The following INTS6 variants were observed in gnomAD, a reference collection of about 807,000 sequenced individuals.
INTS6 encodes the protein integrator complex subunit 6.
Under a neutral mutation model 104.9 loss-of-function variants are expected in INTS6, and 16 were observed. The ratio of observed to expected loss-of-function variants is 0.15; its 90% CI spans 0.10 to 0.23. The LOEUF is 0.23. Ranked by LOEUF, INTS6 falls within the 10% of genes least tolerant of loss-of-function variation. INTS6 has a pLI of 1.00. For missense variants in INTS6, 584 were observed against 1,062.8 expected (o/e 0.55, Z 6.26); for synonymous variants, 324 against 358.7 (o/e 0.90, Z 1.09).
the INTS6 span, among the ~76,000 whole-genome samples, chr13:51,337,692 A>T: frequency 6.6e-6 from 1 of 152,228 alleles, no homozygotes; most frequent in African/African-American, 2.4e-5. Flanking sequence ...AATGGGAATG[A>T]TAATACATTC....
the INTS6 span, among the ~76,000 whole-genome samples, chr13:51,338,673 T>C: frequency 6.6e-6 from 1 of 152,232 alleles, no homozygotes; most frequent in Non-Finnish European, 1.5e-5. Context: ...ACAATTGCAT[T>C]GAATCTAAAG....
intron 4 of INTS6, among the ~76,000 whole-genome samples, chr13:51,396,799 G>A (rs561865188): frequency 6.6e-6 from 1 of 152,078 alleles, no homozygotes; most frequent in Non-Finnish European, 1.5e-5. Context: ...TAAATCAGTG[G>A]CATAAAAAAG....
At chr13:51,382,385 G>A (rs1211360533) in intron 9 of INTS6, among the ~76,000 whole-genome samples, 1 of 152,148 alleles carries the variant, frequency 6.6e-6, no homozygotes, top group Non-Finnish European at 1.5e-5. Context: ...CCTAGACCTA[G>A]ACACAAAGCA....
At chr13:51,346,243 G>T in the INTS6 span, among the ~76,000 whole-genome samples, 1 of 152,184 alleles carries the variant, frequency 6.6e-6, no homozygotes, top group African/African-American at 2.4e-5. Flanking sequence ...TTTAACTGCA[G>T]CCCTACAAAG....
intron 4 of INTS6, among the ~76,000 whole-genome samples, chr13:51,410,548 C>G (rs1956665463): frequency 6.6e-6 from 1 of 152,166 alleles, no homozygotes; most frequent in Non-Finnish European, 1.5e-5. Context: ...TCCCATCATA[C>G]ACAGAAATTC....
Position 51,362,634 on chromosome 13 carries a change from A to T in INTS6, c.*3118T>A, listed in dbSNP as rs1445275560. ...TTAAAAAGAAATAGGATAGAACAAG[A>T]CTAATAAAATCAAGCAAAGGTGGAT... On this transcript the variant is annotated 3_prime_UTR_variant, in exon 18 of 18. Coordinates refer to ENST00000311234, the MANE Select transcript of INTS6 (RefSeq NM_012141.3). The T allele has an allele frequency of 6.6e-6, 1 of 152,430 alleles. No homozygotes were observed. Among genetic ancestry groups the T allele is most frequent in the Non-Finnish European group, 1.5e-5 (1 of 67,930 alleles). 9.4% of individuals were successfully genotyped at this position (152,430 alleles called of 1,614,324 possible).
At chr13:51,436,428 G>C (rs1282920714) in intron 3 of INTS6, 3 of 152,092 alleles carry the variant, frequency 2.0e-5, no homozygotes, top group Admixed American at 6.5e-5. Flanking sequence ...ACTGTGTTCC[G>C]ATACAATTCC....
At chr13:51,450,977 C>A in intron 3 of INTS6, 48 bp downstream of exon 3, 1 of 1,449,270 alleles carries the variant, frequency 6.9e-7, no homozygotes, top group Non-Finnish European at 9.1e-7. Context: ...CTGTGTTTTT[C>A]CACAAAATGA....
At chr13:51,373,456 C>T (rs1038040303) in intron 15 of INTS6, among the ~76,000 whole-genome samples, 1 of 152,186 alleles carries the variant, frequency 6.6e-6, no homozygotes, top group East Asian at 1.9e-4. Flanking sequence ...TTAAGCCTTT[C>T]AGTGGATTCT....
intron 4 of INTS6, among the ~76,000 whole-genome samples, chr13:51,417,846 A>AT (rs1956820564): frequency 6.6e-6 from 1 of 152,182 alleles, no homozygotes; most frequent in Non-Finnish European, 1.5e-5. Context: ...TAGACTCTCA[A>AT]TTCTATCTCA....
intron 6 of INTS6, among the ~76,000 whole-genome samples, chr13:51,388,926 T>C (rs748076082): frequency 3.9e-5 from 6 of 152,336 alleles, no homozygotes; most frequent in Non-Finnish European, 7.3e-5. Flanking sequence ...TCAATCAGTT[T>C]GATCCCTGGT....
intron 3 of INTS6, chr13:51,440,747 G>C (rs1952781757): frequency 6.6e-6 from 1 of 152,156 alleles, no homozygotes; most frequent in Admixed American, 6.5e-5. Context: ...TAGGAGCAAT[G>C]GGTCATATAC....
chr13:51,404,302 A>C (rs1205041463), intron 4 of INTS6, among the ~76,000 whole-genome samples: 2 of 151,530 alleles, frequency 1.3e-5, no homozygotes, highest in South Asian at 2.1e-4. Flanking sequence ...CTAAAAAAAA[A>C]AAAAAAACAA....
chr13:51,370,836 A>G (rs1230449945), intron 15 of INTS6, among the ~76,000 whole-genome samples: 1 of 152,118 alleles, frequency 6.6e-6, no homozygotes, highest in Non-Finnish European at 1.5e-5. Context: ...TCACTTCACA[A>G]TGGGTTAGGG....
At chr13:51,445,286 T>C (rs1314161347) in intron 3 of INTS6, 5 of 152,234 alleles carry the variant, frequency 3.3e-5, no homozygotes, top group African/African-American at 4.8e-5. Flanking sequence ...GGCCAAGTTA[T>C]ATTAATTTTC....
intron 4 of INTS6, among the ~76,000 whole-genome samples, chr13:51,400,858 C>T (rs767949295): frequency 6.6e-6 from 1 of 151,986 alleles, no homozygotes; most frequent in Non-Finnish European, 1.5e-5. Flanking sequence ...GGAGACTACA[C>T]ACTATCAATC....
chr13:51,451,605 G>A (rs1170420145), intron 2 of INTS6: 1 of 156,026 alleles, frequency 6.4e-6, no homozygotes, highest in Non-Finnish European at 1.4e-5. Context: ...AATGCAAACC[G>A]GGGCTGTGCG....
Position 51,453,019 on chromosome 13 carries a change from C to A in INTS6, c.-494G>T. 1 of 1,011,420 alleles carries A rather than the reference C, an allele frequency of 9.9e-7. No individual in the cohort carries two copies. The highest frequency in any genetic ancestry group is 1.2e-6 in the Non-Finnish European group (1 of 846,048). 62.7% of individuals were successfully genotyped at this position (1,011,420 alleles called of 1,614,324 possible). ...CCGGCGGTGTCACCACTTTCTCAGCCCCTCTCGCTACTGAAGCGCTTTTCT... is the reference window on the plus strand; with the variant it reads ...CCGGCGGTGTCACCACTTTCTCAGCACCTCTCGCTACTGAAGCGCTTTTCT... On this transcript the variant is annotated 5_prime_UTR_variant, in exon 1 of 18. Coordinates refer to ENST00000311234, the MANE Select transcript of INTS6 (RefSeq NM_012141.3).
rs1222826028 is a variant in INTS6 at position 51,361,913 on chromosome 13, C to A, written c.*3839G>T. 1 of 1,611,688 alleles carries A rather than the reference C, an allele frequency of 6.2e-7. No individual in the cohort carries two copies. The highest frequency in any genetic ancestry group is 1.7e-5 in the Admixed American group (1 of 59,802). On this transcript the variant is annotated 3_prime_UTR_variant, in exon 18 of 18. Coordinates refer to ENST00000311234, the MANE Select transcript of INTS6 (RefSeq NM_012141.3). The stretch of plus-strand genomic sequence containing the variant: ...ACACAGGTATTACAGTATTTTTTGA[C>A]AGGATTCAGATAATTTATCAGTGTC...
Sources: allele counts gnomAD v4.1 joint callset (sites outside exome capture counted in the v4.1 genomes callset), GRCh38; gene constraint gnomAD v4.1.1; transcripts MANE v1.5; gene names NCBI Gene and HGNC (gene_info 2026-07-23, HGNC 2026-07-21).